The following CD38 variants were observed in gnomAD, a reference collection of about 807,000 sequenced individuals.
CD38 encodes CD38 molecule.
In CD38, 31 loss-of-function variants were observed where a neutral mutation model predicts 36.3. The ratio of observed to expected loss-of-function variants is 0.85; its 90% CI spans 0.64 to 1.15. The LOEUF is 1.15. Among genes scored for constraint, CD38 ranks in the 50% most tolerant of loss-of-function variants. CD38 has a pLI of 0.00. For synonymous variants in CD38, 131 were observed against 135.2 expected (o/e 0.97, Z 0.22); for missense variants, 380 against 371.9 (o/e 1.02, Z -0.18).
In CD38 at chr4:15,824,711, G is replaced by A. The variant is rs545992651; in HGVS notation, c.364-170G>A. Among the ~76,000 whole-genome samples, 9 of 151,356 alleles carry A rather than the reference G, an allele frequency of 5.9e-5. No homozygotes were observed. The South Asian group carries it at 8.3e-4, about 14-fold the overall frequency. Reference sequence around the variant, plus strand: ...ACACACACACACACACTCTCTCTCCGCCACTCTCCTGCACACAGAAATCAT... The same window carrying A: ...ACACACACACACACACTCTCTCTCCACCACTCTCCTGCACACAGAAATCAT... On this transcript the variant is annotated intron_variant, in intron 2 of 7. Coordinates refer to ENST00000226279, the MANE Select transcript of CD38 (RefSeq NM_001775.4).
chr4:15,834,073 G>A, intron 3 of CD38, 144 bp from the exon 4 acceptor site: 1 of 605,240 alleles, frequency 1.7e-6, no homozygotes, highest in South Asian at 2.1e-5. Context: ...GTTAAATTGG[G>A]TCAAAATGTG....
intron 7 of CD38, among the ~76,000 whole-genome samples, chr4:15,842,349 C>T (rs2148929233): frequency 7.6e-6 from 1 of 131,542 alleles, no homozygotes; most frequent in South Asian, 2.6e-4. Context: ...AGCTGAGGGT[C>T]CTGTCTGTTA....
rs965839535 is a variant in CD38 at position 15,778,759 on chromosome 4, C to G, written c.233+112C>G. ...CGGGCATCTTCCGTGGCGGGTCAGC[C>G]GAGAGCCCGCCGGGTGGTGCTGAGT... On this transcript the variant is annotated intron_variant, in intron 1 of 7. Coordinates refer to ENST00000226279, the MANE Select transcript of CD38 (RefSeq NM_001775.4). This position sits in a 1 kb window ranked among gnomAD's most constrained non-coding sequence, Gnocchi z 4.9. 4 of 746,224 alleles carry G rather than the reference C, an allele frequency of 5.4e-6. No individual in the cohort carries two copies. Among genetic ancestry groups the G allele is most frequent in the Admixed American group, 2.7e-5 (1 of 37,170 alleles). 46.2% of individuals were successfully genotyped at this position (746,224 alleles called of 1,614,324 possible). A position where few individuals can be genotyped will look rare whatever the true frequency, so the allele number is the denominator to read the frequency against.
intron 2 of CD38, among the ~76,000 whole-genome samples, chr4:15,819,434 G>T (rs1185445830): frequency 6.6e-6 from 1 of 151,880 alleles, no homozygotes; most frequent in African/African-American, 2.4e-5. Context: ...TTCAGAAGAT[G>T]CATAATAATG....
At position 15,778,725 on chromosome 4, in the gene CD38, G is replaced by C. The variant is rs748019500; in HGVS notation, c.233+78G>C. On this transcript the variant is annotated intron_variant, in intron 1 of 7. Coordinates refer to ENST00000226279, the MANE Select transcript of CD38 (RefSeq NM_001775.4). This position sits in a 1 kb window ranked among gnomAD's most constrained non-coding sequence, Gnocchi z 4.9. The stretch of plus-strand genomic sequence containing the variant: ...CGCGCGCAGGGAAGCCGCCCGGATC[G>C]CCCGGAACCGGGCATCTTCCGTGGC... 9.7e-7 allele frequency: 1 copy of C among 1,035,324 alleles called. No individual in the cohort carries two copies. Among genetic ancestry groups the C allele is most frequent in the African/African-American group, 1.6e-5 (1 of 62,946 alleles). The allele number at this position is 1,035,324 out of a possible 1,614,324, so 64.1% of individuals were successfully genotyped here.
intron 1 of CD38, among the ~76,000 whole-genome samples, chr4:15,781,869 C>A (rs986275808): frequency 1.3e-5 from 2 of 152,188 alleles, no homozygotes; most frequent in Non-Finnish European, 2.9e-5. Context: ...TAAACAACCA[C>A]CCTAAAATTT....
At chr4:15,803,161 T>A (rs922011981) in intron 1 of CD38, among the ~76,000 whole-genome samples, 1 of 152,104 alleles carries the variant, frequency 6.6e-6, no homozygotes, top group African/African-American at 2.4e-5. Context: ...AATCAAAGAC[T>A]TAAGTGTAAG....
Position 15,778,383 on chromosome 4 carries a change from A to G in CD38, c.-32A>G. 4.6e-6 allele frequency: 7 copies of G among 1,506,140 alleles called. No homozygotes were observed. Among genetic ancestry groups the G allele is most frequent in the Non-Finnish European group, 6.5e-6 (7 of 1,083,462 alleles). The allele number at this position is 1,506,140 out of a possible 1,614,324, so 93.3% of individuals were successfully genotyped here. A position where few individuals can be genotyped will look rare whatever the true frequency, so the allele number is the denominator to read the frequency against. ...TGCTGCCTAGCCTCCTGCCGGCCTC[A>G]TCTTCGCCCAGCCAACCCCGCCTGG... is the stretch of plus-strand genomic sequence containing the variant. On this transcript the variant is annotated 5_prime_UTR_variant, in exon 1 of 8. Transcript: ENST00000226279. The surrounding 1 kb of genome is among the most constrained non-coding windows in gnomAD (Gnocchi z 4.9).
intron 2 of CD38, among the ~76,000 whole-genome samples, chr4:15,818,787 C>G (rs751499588): frequency 2.0e-5 from 3 of 152,152 alleles, no homozygotes; most frequent in Non-Finnish European, 4.4e-5. Flanking sequence ...AAGGGCCTGA[C>G]TGCTAAAAGA....
At chr4:15,813,501 C>T (rs926723182) in intron 1 of CD38, among the ~76,000 whole-genome samples, 3 of 152,112 alleles carry the variant, frequency 2.0e-5, no homozygotes. Context: ...CATAGGTATA[C>T]ATGTGCCATG....
intron 1 of CD38, among the ~76,000 whole-genome samples, chr4:15,804,368 T>A (rs1385105469): frequency 6.6e-6 from 1 of 152,204 alleles, no homozygotes; most frequent in African/African-American, 2.4e-5. Context: ...AGTGTGGAAG[T>A]TCCTTAACAG....
chr4:15,847,628 T>C (rs1199200071), intron 7 of CD38, among the ~76,000 whole-genome samples: 1 of 43,248 alleles, frequency 2.3e-5, no homozygotes, highest in East Asian at 1.6e-3. Context: ...AAAAAAGCAA[T>C]CTTGCAGATA....
In CD38 at chr4:15,791,816, C is replaced by CA. The variant is rs1664496433; in HGVS notation, c.233+13169_233+13170insA. Among the ~76,000 whole-genome samples, 2 of 91,348 alleles carry CA rather than the reference C, an allele frequency of 2.2e-5. 1 individual carries two copies. Among genetic ancestry groups the CA allele is most frequent in the Non-Finnish European group, 4.0e-5 (2 of 50,292 alleles). 59.9% of individuals were successfully genotyped at this position (91,348 alleles called of 152,430 possible). ...GGAGGGAGGTGGGAGGGTCAGCCCC[C>CA]CGCCCGGCCAGCCGCCCTATCCAGG... On this transcript the variant is annotated intron_variant, in intron 1 of 7. Transcript: ENST00000226279.
At chr4:15,817,078 C>T (rs1437066215) in intron 2 of CD38, among the ~76,000 whole-genome samples, 2 of 152,198 alleles carry the variant, frequency 1.3e-5, no homozygotes, top group Non-Finnish European at 2.9e-5. Context: ...CTAATCCTTA[C>T]TTTCTTAGGC....
intron 1 of CD38, among the ~76,000 whole-genome samples, chr4:15,806,084 T>C (rs1723334375): frequency 6.6e-6 from 1 of 152,128 alleles, no homozygotes; most frequent in South Asian, 2.1e-4. Flanking sequence ...ATGGTATAGG[T>C]TTAGAGAGAG....
In CD38 at chr4:15,852,670, G is replaced by A. The variant is rs1724413322; in HGVS notation, c.*4068G>A. 3 of 152,022 alleles carry A rather than the reference G, an allele frequency of 2.0e-5. No individual in the cohort carries two copies. The highest frequency in any genetic ancestry group is 2.0e-4 in the Admixed American group (3 of 15,258). The allele number at this position is 152,022 out of a possible 1,614,324, so 9.4% of individuals were successfully genotyped here. On this transcript the variant is annotated 3_prime_UTR_variant, in exon 8 of 8. Coordinates refer to ENST00000226279, the MANE Select transcript of CD38 (RefSeq NM_001775.4). ...TTTACTATGAAGAGTCATCATTTTAGTATGTATTTTAAGCAATCCACCAAG... is the reference window on the plus strand; with the variant it reads ...TTTACTATGAAGAGTCATCATTTTAATATGTATTTTAAGCAATCCACCAAG...
At chr4:15,834,496 G>A (rs1360653320) in intron 4 of CD38, among the ~76,000 whole-genome samples, 194 bp downstream of exon 4, 2 of 152,176 alleles carry the variant, frequency 1.3e-5, no homozygotes, top group Non-Finnish European at 2.9e-5. Flanking sequence ...CATTCTTAGA[G>A]GGTCCATGGG....
chr4:15,785,402 C>A (rs1722793306), intron 1 of CD38, among the ~76,000 whole-genome samples: 1 of 152,078 alleles, frequency 6.6e-6, no homozygotes, highest in African/African-American at 2.4e-5. Context: ...TACCTTTTGG[C>A]CTTGTGTTTT....
At chr4:15,793,833 G>A (rs1335952884) in intron 1 of CD38, among the ~76,000 whole-genome samples, 1 of 152,224 alleles carries the variant, frequency 6.6e-6, no homozygotes, top group Non-Finnish European at 1.5e-5. Context: ...CTAATATATG[G>A]AATGTGAGAG....
Sources: allele counts gnomAD v4.1 joint callset (sites outside exome capture counted in the v4.1 genomes callset), GRCh38; gene constraint gnomAD v4.1.1; non-coding constraint Gnocchi (gnomAD v3.1); transcripts MANE v1.5; gene names NCBI Gene and HGNC (gene_info 2026-07-23, HGNC 2026-07-21).